Variants in FLACC1 observed in about 807,000 individuals in gnomAD.
FLACC1 encodes the protein flagellum-associated coiled-coil domain-containing protein 1.
In FLACC1, 66 loss-of-function variants were observed where a neutral mutation model predicts 62.8. The ratio of observed to expected loss-of-function variants is 1.05; its 90% CI spans 0.86 to 1.29. The LOEUF is 1.29. FLACC1 is among the 50% of genes most tolerant of loss of function. The pLI is 0.00. For missense variants in FLACC1, 452 were observed against 489.1 expected (o/e 0.92, Z 0.71); for synonymous variants, 156 against 161.0 (o/e 0.97, Z 0.24).
intron 10 of FLACC1, among the ~76,000 whole-genome samples, chr2:201,308,947 A>T (rs1950158753): frequency 6.6e-6 from 1 of 152,152 alleles, no homozygotes; most frequent in African/African-American, 2.4e-5. Flanking sequence ...ACTCTCTTAG[A>T]TCAGATGCCT....
rs765703584 is a variant in FLACC1 at position 201,309,253 on chromosome 2, G to C, written c.676-3C>G. 6.2e-7 allele frequency: 1 copy of C among 1,608,530 alleles called. No individual in the cohort carries two copies. Among genetic ancestry groups the C allele is most frequent in the African/African-American group, 1.3e-5 (1 of 74,770 alleles). ...TCCATTTCATCATAAATACTGTCCT[G>C]GGGAGGTACAAAGGCACCATGAAGA... On this transcript the variant is annotated splice_region_variant and splice_polypyrimidine_tract_variant and intron_variant, in intron 9 of 14. Transcript: ENST00000392257.
At chr2:201,355,005 G>C (rs1951091380) in intron 1 of FLACC1, among the ~76,000 whole-genome samples, 1 of 152,156 alleles carries the variant, frequency 6.6e-6, no homozygotes, top group South Asian at 2.1e-4. Flanking sequence ...AAGAGAAAAA[G>C]ATGGTATGGT....
chr2:201,342,495 TTC>T lies in FLACC1; in HGVS notation c.463-66_463-65del, dbSNP rs1950830473. 5 of 1,540,692 alleles carry T rather than the reference TTC, an allele frequency of 3.2e-6. No individual in the cohort carries two copies. In the East Asian group the frequency reaches 1.1e-4, roughly 35 times the overall value. On this transcript the variant is annotated intron_variant, in intron 6 of 14. Coordinates refer to ENST00000392257, the MANE Select transcript of FLACC1 (RefSeq NM_001127391.3). ...ACCCTGTCCCATTCTGATCTGCACC[TTC>T]TGAAAAGCCTTCCAATTTATGGGGC...
chr2:201,294,907 G>A (rs1393773621), intron 12 of FLACC1, among the ~76,000 whole-genome samples: 1 of 152,146 alleles, frequency 6.6e-6, no homozygotes, highest in African/African-American at 2.4e-5. Context: ...AATCATGAGT[G>A]AACTCCCATT....
At chr2:201,342,141 T>C (rs577448946) in intron 7 of FLACC1, among the ~76,000 whole-genome samples, 2 of 152,262 alleles carry the variant, frequency 1.3e-5, no homozygotes, top group East Asian at 3.9e-4. Flanking sequence ...AATGAAAGGA[T>C]TGGATGATAA....
intron 7 of FLACC1, among the ~76,000 whole-genome samples, chr2:201,341,776 T>C (rs1479371270): frequency 6.6e-6 from 1 of 152,226 alleles, no homozygotes; most frequent in Non-Finnish European, 1.5e-5. Flanking sequence ...TTGTTCACCC[T>C]ACATATTTGC....
At chr2:201,348,693 C>G (rs919572520) in intron 3 of FLACC1, among the ~76,000 whole-genome samples, 10 of 151,942 alleles carry the variant, frequency 6.6e-5, no homozygotes, top group African/African-American at 2.2e-4. Context: ...GTGGAACTCT[C>G]TTTATTGGAG....
At chr2:201,291,690 A>G (rs1013868166) in intron 12 of FLACC1, among the ~76,000 whole-genome samples, 1 of 152,236 alleles carries the variant, frequency 6.6e-6, no homozygotes, top group African/African-American at 2.4e-5. Context: ...GACTTTGACG[A>G]GTTGAGAGAA....
chr2:201,340,365 G>C (rs1473874499), intron 7 of FLACC1, among the ~76,000 whole-genome samples: 1 of 151,954 alleles, frequency 6.6e-6, no homozygotes, highest in Non-Finnish European at 1.5e-5. Flanking sequence ...TGTATGCTTT[G>C]AATCATTTCT....
intron 4 of FLACC1, among the ~76,000 whole-genome samples, chr2:201,347,429 A>C (rs1037139212): frequency 2.0e-5 from 3 of 151,834 alleles, no homozygotes; most frequent in African/African-American, 7.3e-5. Flanking sequence ...TGCTCCCCCC[A>C]CAGTTCATCC....
chr2:201,328,296 C>A (rs1190001343), intron 9 of FLACC1, among the ~76,000 whole-genome samples: 2 of 152,062 alleles, frequency 1.3e-5, no homozygotes, highest in Non-Finnish European at 2.9e-5. Context: ...CCATTTGTAT[C>A]CCCAAAGCTA....
At chr2:201,350,923 G>T (rs894799848) in intron 2 of FLACC1, 141 bp from the exon 3 acceptor site, 5 of 733,334 alleles carry the variant, frequency 6.8e-6, no homozygotes, top group Non-Finnish European at 1.1e-5. Flanking sequence ...AAAATCTGAG[G>T]CCTTTAAAAC....
At chr2:201,340,735 T>C (rs1238393124) in intron 7 of FLACC1, among the ~76,000 whole-genome samples, 1 of 152,220 alleles carries the variant, frequency 6.6e-6, no homozygotes, top group Non-Finnish European at 1.5e-5. Flanking sequence ...ATATGTTTCA[T>C]GTTATTAGCA....
intron 11 of FLACC1, 79 bp from the exon 12 acceptor site, chr2:201,299,379 G>C: frequency 8.7e-7 from 1 of 1,143,748 alleles, no homozygotes; most frequent in Non-Finnish European, 1.3e-6. Context: ...GCCAGACTAG[G>C]ATTCAGGAAT....
chr2:201,352,820 C>A (rs567783199), intron 1 of FLACC1, among the ~76,000 whole-genome samples: 7 of 152,082 alleles, frequency 4.6e-5, no homozygotes, highest in Admixed American at 2.6e-4. Flanking sequence ...AATGAAAGAT[C>A]TTGAGATAGA....
At chr2:201,350,807 A>T (rs776492434) in intron 2 of FLACC1, 25 bp from the exon 3 acceptor site, 1 of 1,589,716 alleles carries the variant, frequency 6.3e-7, no homozygotes, top group Non-Finnish European at 8.6e-7. Context: ...CAAATAACTA[A>T]AACAAGAACA....
At chr2:201,350,530 G>A (rs1398203339) in intron 3 of FLACC1, among the ~76,000 whole-genome samples, 181 bp downstream of exon 3, 2 of 151,900 alleles carry the variant, frequency 1.3e-5, no homozygotes, top group African/African-American at 4.8e-5. Context: ...ATACAAAAAA[G>A]TAGCCAGGCA....
chr2:201,330,907 T>A, intron 7 of FLACC1, 74 bp from the exon 8 acceptor site: 1 of 1,153,102 alleles, frequency 8.7e-7, no homozygotes, highest in Non-Finnish European at 1.2e-6. Flanking sequence ...CCTGATCTGA[T>A]CCTACCCTCC....
intron 11 of FLACC1, among the ~76,000 whole-genome samples, chr2:201,300,382 G>T (rs1019816222): frequency 1.3e-5 from 2 of 152,174 alleles, no homozygotes; most frequent in Admixed American, 6.5e-5. Flanking sequence ...GGGGATGGGC[G>T]CCTGCTATTG....
Sources: allele counts gnomAD v4.1 joint callset (sites outside exome capture counted in the v4.1 genomes callset), GRCh38; gene constraint gnomAD v4.1.1; transcripts MANE v1.5; gene names NCBI Gene and HGNC (gene_info 2026-07-23, HGNC 2026-07-21).